Variants in VWA8 observed in about 807,000 individuals in gnomAD.
VWA8 encodes the protein von Willebrand factor A domain-containing protein 8.
A neutral mutation model predicts 241.5 loss-of-function variants in VWA8; 221 were observed. The observed-to-expected ratio is 0.91, with a 90% CI of 0.82 to 1.02. The LOEUF (loss-of-function observed/expected upper bound fraction) is 1.02, where lower values mean the gene tolerates loss of function less well. Among genes scored for constraint, VWA8 ranks in the 50% least tolerant of loss-of-function variants. The probability of loss-of-function intolerance (pLI) is 0.00; values close to 1 mark genes in which losing one functional copy is unlikely to be tolerated. For synonymous variants in VWA8, 852 were observed against 827.1 expected (o/e 1.03, Z -0.52); for missense variants, 2,322 against 2,328.7 (o/e 1.00, Z 0.06).
At chr13:41,601,027 C>T (rs1008608322) in intron 40 of VWA8, among the ~76,000 whole-genome samples, 4 of 152,162 alleles carry the variant, frequency 2.6e-5, no homozygotes, top group African/African-American at 9.6e-5. Context: ...AGAACCAGCT[C>T]TCAGCTCATG....
intron 12 of VWA8, among the ~76,000 whole-genome samples, chr13:41,849,631 G>C (rs755798823): frequency 1.4e-4 from 21 of 152,192 alleles, no homozygotes; most frequent in Non-Finnish European, 2.8e-4. Context: ...GCTCGTGCCT[G>C]TAATCCCAGC....
At chr13:41,953,110 T>C (rs80170541) in intron 1 of VWA8, among the ~76,000 whole-genome samples, 21 of 152,280 alleles carry the variant, frequency 1.4e-4, no homozygotes, top group Non-Finnish European at 2.6e-4. Context: ...CACATCTAGA[T>C]ATTAATAGCT....
intron 37 of VWA8, among the ~76,000 whole-genome samples, chr13:41,616,161 T>C (rs921854726): frequency 2.6e-5 from 4 of 152,202 alleles, no homozygotes; most frequent in African/African-American, 9.6e-5. Context: ...ATTCTTGATG[T>C]TGGGATTAAT....
rs561409313 is a variant in VWA8 at position 41,842,266 on chromosome 13, C to T, written c.1426-8735G>A. Among the ~76,000 whole-genome samples, 64 of 152,260 alleles carry T rather than the reference C, an allele frequency of 4.2e-4. No individual in the cohort carries two copies. In the South Asian group the frequency reaches 0.013, roughly 30 times the overall value. On this transcript the variant is annotated intron_variant, in intron 12 of 44. Transcript: ENST00000379310. ...GAACGCAGGCATGCTGCCAACATTC[C>T]TCAGTGTCATTTATGTTTGATCTCA...
intron 15 of VWA8, among the ~76,000 whole-genome samples, chr13:41,818,573 T>C (rs1019671597): frequency 2.0e-5 from 3 of 151,894 alleles, no homozygotes; most frequent in Non-Finnish European, 2.9e-5. Flanking sequence ...AAACAAATAA[T>C]AATAATAATA....
At chr13:41,608,212 T>C (rs1202915104) in intron 39 of VWA8, among the ~76,000 whole-genome samples, 1 of 152,138 alleles carries the variant, frequency 6.6e-6, no homozygotes, top group Non-Finnish European at 1.5e-5. Context: ...CATGCTGTTT[T>C]AATTATGAAG....
chr13:41,723,038 C>T (rs1487277361), intron 24 of VWA8, among the ~76,000 whole-genome samples: 2 of 152,180 alleles, frequency 1.3e-5, no homozygotes. Flanking sequence ...GCTGTGAACA[C>T]ACCACAAAAG....
At chr13:41,575,936 G>T in intron 42 of VWA8, 98 bp from the exon 43 acceptor site, 1 of 859,778 alleles carries the variant, frequency 1.2e-6, no homozygotes, top group Non-Finnish European at 1.8e-6. Flanking sequence ...ATTGTCCAAA[G>T]TTGCTCAACA....
chr13:41,727,059 G>T, intron 24 of VWA8, 135 bp downstream of exon 24: 2 of 717,068 alleles, frequency 2.8e-6, no homozygotes, highest in South Asian at 2.0e-5. Flanking sequence ...CTAAAAGGGG[G>T]ATAATAAATA....
At position 41,881,310 on chromosome 13, in the gene VWA8, G is replaced by T. The variant is rs1340307721; in HGVS notation, c.1080+2077C>A. 1.2e-4 allele frequency among the ~76,000 whole-genome samples: 15 copies of T among 129,168 alleles called. No homozygotes were observed. In the Admixed American group the frequency reaches 1.3e-3, roughly 11 times the overall value. The allele number at this position is 129,168 out of a possible 152,430, so 84.7% of individuals were successfully genotyped here. A position where few individuals can be genotyped will look rare whatever the true frequency, so the allele number is the denominator to read the frequency against. On this transcript the variant is annotated intron_variant, in intron 9 of 44. Transcript: ENST00000379310. Reference sequence around the variant, plus strand: ...ATCCTTTTAGAGAGCATGGTATTTAGAAACCAATGTCCAGGTACTTGGTAT... The same window carrying T: ...ATCCTTTTAGAGAGCATGGTATTTATAAACCAATGTCCAGGTACTTGGTAT...
chr13:41,820,837 A>T (rs1369247335), intron 14 of VWA8, among the ~76,000 whole-genome samples: 1 of 152,198 alleles, frequency 6.6e-6, no homozygotes, highest in Non-Finnish European at 1.5e-5. Flanking sequence ...CACTTCTGCT[A>T]AGTGGTTTGC....
intron 35 of VWA8, among the ~76,000 whole-genome samples, chr13:41,676,784 C>A (rs1336615752): frequency 6.6e-6 from 1 of 152,046 alleles, no homozygotes; most frequent in African/African-American, 2.4e-5. Flanking sequence ...AGGCACCCGC[C>A]ACCAAACCCA....
chr13:41,875,707 G>A (rs1203670971), intron 9 of VWA8, among the ~76,000 whole-genome samples: 2 of 151,910 alleles, frequency 1.3e-5, no homozygotes, highest in Non-Finnish European at 2.9e-5. Flanking sequence ...TTCTTGACCA[G>A]TACACAGTAA....
intron 40 of VWA8, among the ~76,000 whole-genome samples, chr13:41,600,729 T>G (rs936287123): frequency 2.6e-5 from 4 of 152,096 alleles, no homozygotes; most frequent in African/African-American, 4.8e-5. Context: ...AACATCTGCT[T>G]TCTTCACAAG....
intron 21 of VWA8, among the ~76,000 whole-genome samples, chr13:41,751,752 C>T (rs957786534): frequency 6.6e-6 from 1 of 152,136 alleles, no homozygotes; most frequent in Admixed American, 6.6e-5. Context: ...AGTGTTTTAA[C>T]AATAACCATC....
At chr13:41,729,478 G>C (rs2045463529) in intron 23 of VWA8, 64 bp downstream of exon 23, 1 of 1,455,478 alleles carries the variant, frequency 6.9e-7, no homozygotes, top group Non-Finnish European at 9.1e-7. Flanking sequence ...CTAAGTTTGT[G>C]ATTTGATACA....
intron 9 of VWA8, among the ~76,000 whole-genome samples, chr13:41,877,708 T>C (rs1195170191): frequency 6.6e-6 from 1 of 152,132 alleles, no homozygotes; most frequent in African/African-American, 2.4e-5. Context: ...TTAACCACTG[T>C]TATGATGCAG....
intron 20 of VWA8, among the ~76,000 whole-genome samples, chr13:41,761,866 C>T (rs2045742905): frequency 6.7e-6 from 1 of 150,308 alleles, no homozygotes; most frequent in Non-Finnish European, 1.5e-5. Flanking sequence ...CACCCCCAAG[C>T]TATTTCCCTA....
At chr13:41,717,185 A>G (rs2045353001) in intron 26 of VWA8, among the ~76,000 whole-genome samples, 1 of 151,906 alleles carries the variant, frequency 6.6e-6, no homozygotes, top group South Asian at 2.1e-4. Context: ...TTACAGAATT[A>G]TTGTCAATAG....
Sources: allele counts gnomAD v4.1 joint callset (sites outside exome capture counted in the v4.1 genomes callset), GRCh38; gene constraint gnomAD v4.1.1; transcripts MANE v1.5; gene names NCBI Gene and HGNC (gene_info 2026-07-23, HGNC 2026-07-21).